CLDN16: variants seen among roughly 807,000 people sequenced by gnomAD.
CLDN16 encodes claudin-16.
In CLDN16, 13 loss-of-function variants were observed where a neutral mutation model predicts 24.6. That is an observed-to-expected ratio of 0.53 (90% confidence interval 0.34 to 0.84). The LOEUF (loss-of-function observed/expected upper bound fraction) is 0.84, where lower values mean the gene tolerates loss of function less well. CLDN16 is among the 40% of genes least tolerant of loss of function. The pLI is 0.01. For missense variants in CLDN16, 298 were observed against 292.7 expected, an observed-to-expected ratio of 1.02 and a Z score of -0.13; for synonymous variants, 116 against 106.7, an observed-to-expected ratio of 1.09 and a Z score of -0.54.
chr3:190,306,114 T>C, the CLDN16 span: 23 of 152,232 alleles, frequency 1.5e-4, no homozygotes, highest in African/African-American at 4.3e-4. Flanking sequence ...CCTAGCAGCG[T>C]CAGCTGCCAG....
intron 3 of CLDN16, among the ~76,000 whole-genome samples, chr3:190,378,276 G>T (rs1718287358): frequency 6.6e-6 from 1 of 151,956 alleles, no homozygotes; most frequent in Non-Finnish European, 1.5e-5. Flanking sequence ...TGAAGATGAA[G>T]GAGGGTCTCA....
rs2108668709 is a variant in CLDN16, at chr3:190,400,752, G to A, written c.115-1585G>A. On this transcript the variant is annotated intron_variant, in intron 1 of 4. Transcript: ENST00000264734. Reference sequence around the variant, plus strand: ...GATATCTAGGTTGATTCCATGTCTTGGCTATTGTGAATAGTGTCACAAAGA... The same window carrying A: ...GATATCTAGGTTGATTCCATGTCTTAGCTATTGTGAATAGTGTCACAAAGA... Among the ~76,000 whole-genome samples the A allele has an allele frequency of 2.0e-5, 3 of 152,074 alleles. No individual in the cohort carries two copies. In the Middle Eastern group the frequency reaches 0.01, roughly 517 times the overall value.
the CLDN16 span, among the ~76,000 whole-genome samples, chr3:190,317,471 T>C: frequency 1.3e-5 from 2 of 152,210 alleles, no homozygotes; most frequent in Non-Finnish European, 2.9e-5. Context: ...TGGAAGTTAC[T>C]GATCTACTAC....
upstream of CLDN16, among the ~76,000 whole-genome samples, chr3:190,383,923 C>T (rs1718426816): frequency 6.6e-6 from 1 of 152,168 alleles, no homozygotes; most frequent in South Asian, 2.1e-4. Context: ...CTATGCACTT[C>T]ATTAAGACCT....
intron 1 of CLDN16, among the ~76,000 whole-genome samples, chr3:190,353,088 A>G (rs1717702179): frequency 6.6e-6 from 1 of 152,082 alleles, no homozygotes; most frequent in Non-Finnish European, 1.5e-5. Context: ...GTAAAATGGG[A>G]TAAACATAGT....
At chr3:190,342,793 A>T (rs58639629) in intron 1 of CLDN16, among the ~76,000 whole-genome samples, 6,556 of 152,274 alleles carry the variant, frequency 0.043, 323 homozygotes, top group African/African-American at 0.12. Flanking sequence ...CCCTTCCAGC[A>T]CACACAAAAA....
chr3:190,374,353 A>G (rs2216983), intron 2 of CLDN16, among the ~76,000 whole-genome samples: 8,745 of 150,720 alleles, frequency 0.058, 687 homozygotes, highest in African/African-American at 0.18. Flanking sequence ...TAATTTGCAC[A>G]GGGCCAAATG....
At position 190,405,673 on chromosome 3, in the gene CLDN16, C is replaced by G. The variant is rs183191228; in HGVS notation, c.382+747C>G. ...CAAGTCCTATGTTAAACTTGTCCCA[C>G]GTACTAACCCATTTGTTCATAAATG... On this transcript the variant is annotated intron_variant, in intron 3 of 4. Coordinates refer to ENST00000264734, the MANE Select transcript of CLDN16 (RefSeq NM_006580.4). 4.5e-3 allele frequency among the ~76,000 whole-genome samples: 683 copies of G among 152,202 alleles called. 9 individuals are homozygous for G. In the South Asian group the frequency reaches 0.053, roughly 12 times the overall value.
intron 1 of CLDN16, among the ~76,000 whole-genome samples, chr3:190,397,027 T>G (rs1718838123): frequency 6.6e-6 from 1 of 152,152 alleles, no homozygotes; most frequent in Admixed American, 6.5e-5. Context: ...AGCCACTCCT[T>G]TCTTGCCAGT....
chr3:190,308,370 T>C, the CLDN16 span: 1 of 1,613,780 alleles, frequency 6.2e-7, no homozygotes, highest in Non-Finnish European at 8.5e-7. Flanking sequence ...AACAGCAAAG[T>C]AGGGCACCTC....
At chr3:190,362,465 C>A (rs1717910876) in intron 1 of CLDN16, among the ~76,000 whole-genome samples, 2 of 151,888 alleles carry the variant, frequency 1.3e-5, no homozygotes, top group African/African-American at 4.8e-5. Flanking sequence ...CCCCTACCTG[C>A]CAAATTATCT....
At chr3:190,325,250 A>G (rs573379120) in intron 1 of CLDN16, among the ~76,000 whole-genome samples, 15 of 152,194 alleles carry the variant, frequency 9.9e-5, no homozygotes, top group South Asian at 8.3e-4. Flanking sequence ...AAACTATATA[A>G]TTTGACGCTC....
intron 1 of CLDN16, among the ~76,000 whole-genome samples, chr3:190,388,859 T>A (rs2108658692): frequency 6.6e-6 from 1 of 152,314 alleles, no homozygotes; most frequent in Middle Eastern, 3.4e-3. Context: ...AGACTTTTTT[T>A]AAGGAGTGTT....
chr3:190,400,781 T>C (rs543092513), intron 1 of CLDN16, among the ~76,000 whole-genome samples: 4 of 152,274 alleles, frequency 2.6e-5, no homozygotes, highest in Admixed American at 2.6e-4. Context: ...ACAAAGAGCA[T>C]GGAGGTGCGC....
At position 190,373,864 on chromosome 3, in the gene CLDN16, G is replaced by T. The variant is rs111620254; in HGVS notation, n.231-664G>T. Reference sequence around the variant, plus strand: ...ATATTAAAAAAAAAAAAAGAAAACAGATCAGTATTGTTTTGGTGGTCTGGC... The same window carrying T: ...ATATTAAAAAAAAAAAAAGAAAACATATCAGTATTGTTTTGGTGGTCTGGC... On this transcript the variant is annotated intron_variant and non_coding_transcript_variant, in intron 2 of 4. Coordinates refer to the CLDN16 transcript ENST00000468220. Among the ~76,000 whole-genome samples, 8 of 151,174 alleles carry T rather than the reference G, an allele frequency of 5.3e-5. 1 individual carries two copies. The highest frequency in any genetic ancestry group is 2.0e-4 in the Admixed American group (3 of 15,146).
chr3:190,374,683 TCTTA>T (rs993407266), intron 3 of CLDN16: 4 of 151,978 alleles, frequency 2.6e-5, no homozygotes, highest in African/African-American at 9.7e-5. Flanking sequence ...CATTTATCAA[TCTTA>T]CTTCTTCAGT....
At chr3:190,393,384 A>G (rs1718728633) in intron 1 of CLDN16, among the ~76,000 whole-genome samples, 1 of 152,200 alleles carries the variant, frequency 6.6e-6, no homozygotes, top group Non-Finnish European at 1.5e-5. Flanking sequence ...CTGAGGTTAA[A>G]TCCCACCTTA....
At chr3:190,399,785 T>C (rs370596693) in intron 1 of CLDN16, among the ~76,000 whole-genome samples, 1 of 152,062 alleles carries the variant, frequency 6.6e-6, no homozygotes, top group Non-Finnish European at 1.5e-5. Context: ...AGACCAGTAC[T>C]AGTCCGTGGC....
At chr3:190,308,530 A>AT in the CLDN16 span, 6 of 1,217,522 alleles carry the variant, frequency 4.9e-6, no homozygotes, top group South Asian at 2.6e-5. Context: ...TACTCATTGT[A>AT]TTTTTTTCAT....
Sources: allele counts gnomAD v4.1 joint callset (sites outside exome capture counted in the v4.1 genomes callset), GRCh38; gene constraint gnomAD v4.1.1; transcripts MANE v1.5; gene names NCBI Gene and HGNC (gene_info 2026-07-23, HGNC 2026-07-21).